Variants in MGLL observed in about 807,000 individuals in gnomAD.
The protein encoded by MGLL is monoglyceride lipase.
MGLL carries 7 observed loss-of-function variants against 29.1 expected under a neutral mutation model. That is an observed-to-expected ratio of 0.24 (90% confidence interval 0.14 to 0.45). The LOEUF (loss-of-function observed/expected upper bound fraction) is 0.45. Ranked by LOEUF, MGLL falls within the 20% of genes least tolerant of loss-of-function variation. MGLL has a pLI of 0.99. For missense variants in MGLL, 356 were observed against 413.6 expected, an observed-to-expected ratio of 0.86 and a Z score of 1.21; for synonymous variants, 148 against 168.3, an observed-to-expected ratio of 0.88 and a Z score of 0.93.
chr3:127,815,373 G>C (rs1229333266), intron 2 of MGLL, among the ~76,000 whole-genome samples: 1 of 152,150 alleles, frequency 6.6e-6, no homozygotes, highest in Non-Finnish European at 1.5e-5. Flanking sequence ...AATAACACCA[G>C]CTCCTTCTGC....
chr3:127,797,852 C>T (rs777221142), intron 2 of MGLL, among the ~76,000 whole-genome samples: 3 of 152,162 alleles, frequency 2.0e-5, no homozygotes, highest in Admixed American at 6.5e-5. Context: ...GTGATTCTCC[C>T]ACCTGGGCTT....
At chr3:127,748,248 C>G (rs1390548692) in intron 3 of MGLL, among the ~76,000 whole-genome samples, 1 of 152,144 alleles carries the variant, frequency 6.6e-6, no homozygotes, top group East Asian at 1.9e-4. Flanking sequence ...AGGCGCCTGA[C>G]ACTCAGAGGA....
chr3:127,732,371 G>A (rs538670286), intron 3 of MGLL, among the ~76,000 whole-genome samples: 5 of 152,142 alleles, frequency 3.3e-5, no homozygotes, highest in Non-Finnish European at 5.9e-5. Flanking sequence ...AAAGGGCAGC[G>A]CTCAGCCCCC....
At chr3:127,706,345 A>C (rs2075601796) in intron 6 of MGLL, among the ~76,000 whole-genome samples, 1 of 152,090 alleles carries the variant, frequency 6.6e-6, no homozygotes, top group Non-Finnish European at 1.5e-5. Flanking sequence ...AGAACTCCTC[A>C]GTGTGTCCTG....
Position 127,817,258 on chromosome 3 carries a change from G to A in MGLL, c.155+4436C>T, listed in dbSNP as rs544875435. Among the ~76,000 whole-genome samples the A allele has an allele frequency of 6.6e-5, 10 of 152,364 alleles. No individual in the cohort carries two copies. In the South Asian group the frequency reaches 2.1e-3, roughly 32 times the overall value. On this transcript the variant is annotated intron_variant, in intron 2 of 7. Transcript: ENST00000265052. The stretch of plus-strand genomic sequence containing the variant: ...AGGAGGCACTTACTGGAGGTGTGAG[G>A]GCAGGGCTCTGGAGGAAGTGGGGAG...
chr3:127,817,113 C>A (rs1559989367), intron 2 of MGLL, among the ~76,000 whole-genome samples: 1 of 152,304 alleles, frequency 6.6e-6, no homozygotes, highest in Non-Finnish European at 1.5e-5. Flanking sequence ...TGACCGAGGT[C>A]TGAGGCAAGA....
At chr3:127,715,499 G>A (rs2075795943) in intron 5 of MGLL, 1 of 354,162 alleles carries the variant, frequency 2.8e-6, no homozygotes, top group Non-Finnish European at 5.6e-6. Flanking sequence ...TGCCATGCAG[G>A]GGCAGGATGT....
intron 3 of MGLL, chr3:127,736,210 AAAG>A: frequency 1.0e-6 from 1 of 1,002,790 alleles, no homozygotes; most frequent in Non-Finnish European, 1.2e-6. Context: ...TTTAAAAAAC[AAAG>A]AAGATTGCAT....
chr3:127,711,481 A>AGAG (rs2107607648), intron 5 of MGLL: 1 of 152,042 alleles, frequency 6.6e-6, no homozygotes, highest in East Asian at 1.9e-4. Context: ...CGGATCTCAC[A>AGAG]CTTCTGCCTT....
At chr3:127,713,299 G>A (rs1308275580) in intron 5 of MGLL, 1 of 152,262 alleles carries the variant, frequency 6.6e-6, no homozygotes, top group Non-Finnish European at 1.5e-5. Context: ...AAGTTCCCTA[G>A]TGATCCTGTG....
chr3:127,781,163 G>A (rs2077117164), intron 3 of MGLL, among the ~76,000 whole-genome samples: 1 of 152,120 alleles, frequency 6.6e-6, no homozygotes, highest in South Asian at 2.1e-4. Context: ...GTGTGTAAAT[G>A]TGTAGGTGCA....
At chr3:127,707,860 A>G (rs1385285053) in intron 6 of MGLL, among the ~76,000 whole-genome samples, 1 of 152,242 alleles carries the variant, frequency 6.6e-6, no homozygotes, top group Admixed American at 6.5e-5. Flanking sequence ...AGAGCCCACT[A>G]GCAGTCCTGG....
chr3:127,815,833 T>A (rs540890631), intron 2 of MGLL, among the ~76,000 whole-genome samples: 2 of 152,340 alleles, frequency 1.3e-5, no homozygotes, highest in African/African-American at 4.8e-5. Context: ...ATATTATAAT[T>A]ATCCGTGTGT....
rs530031742 is a variant in MGLL, at chr3:127,817,964, C to A, written c.155+3730G>T. On this transcript the variant is annotated intron_variant, in intron 2 of 7. Coordinates refer to ENST00000265052, the MANE Select transcript of MGLL (RefSeq NM_007283.7). ...ATTTGCTCATGATCCAGTATCCCCC[C>A]CTTTTTCTTTTTTTGAGATGGAGTC... Among the ~76,000 whole-genome samples the A allele has an allele frequency of 2.0e-5, 3 of 151,858 alleles. No homozygotes were observed. The East Asian group carries it at 5.8e-4, about 29-fold the overall frequency.
Position 127,719,625 on chromosome 3 carries a change from C to T in MGLL, c.510+1428G>A, listed in dbSNP as rs73859590. 4.8e-3 allele frequency among the ~76,000 whole-genome samples: 735 copies of T among 152,294 alleles called. 5 individuals are homozygous for T. The highest frequency in any genetic ancestry group is 0.017 in the African/African-American group (716 of 41,560). ...GCTGCTGAGTCTGGGCCTGCTTATT[C>T]TACTTAGATAATTAGAACCATAGTC... On this transcript the variant is annotated intron_variant, in intron 5 of 7. Transcript: ENST00000265052.
intron 3 of MGLL, among the ~76,000 whole-genome samples, chr3:127,763,915 T>C (rs1157850345): frequency 1.3e-5 from 2 of 152,188 alleles, no homozygotes; most frequent in East Asian, 3.9e-4. Context: ...AGCTGCGTGC[T>C]GGGAAGACAG....
Position 127,710,642 on chromosome 3 carries a change from G to A in MGLL, c.534C>T (p.Asn178=). 6.4e-6 allele frequency: 10 copies of A among 1,573,648 alleles called. No individual in the cohort carries two copies. Among genetic ancestry groups the A allele is most frequent in the Non-Finnish European group, 6.9e-6 (8 of 1,158,616 alleles). ...TFKVLAAKVL[N]LVLPNLSLGP... is the part of the protein sequence containing the mutation. ...CGAGGGACAAGTTTGGCAGCACAAG[G>A]TTGAGCACTTTCGCAGCAAGGACCT... The change falls in exon 6 of 8, where the codon AAC becomes AAT. Residue 178 remains asparagine (N), a synonymous_variant. Coordinates refer to ENST00000265052, the MANE Select transcript of MGLL (RefSeq NM_007283.7).
intron 3 of MGLL, among the ~76,000 whole-genome samples, chr3:127,746,963 C>T (rs1288558455): frequency 6.6e-6 from 1 of 152,180 alleles, no homozygotes; most frequent in African/African-American, 2.4e-5. Flanking sequence ...GACTCCTGAA[C>T]CTGCGCAAAC....
At chr3:127,757,085 C>A (rs1438511616) in intron 3 of MGLL, among the ~76,000 whole-genome samples, 2 of 152,222 alleles carry the variant, frequency 1.3e-5, no homozygotes, top group Admixed American at 1.3e-4. Flanking sequence ...AGTCTGAGTG[C>A]AGACTTTAAA....
Sources: gnomAD v4.1 joint callset for allele counts (sites outside exome capture counted in the v4.1 genomes callset) on GRCh38, gnomAD v4.1.1 for gene constraint, MANE v1.5 for transcripts, NCBI Gene and HGNC (gene_info 2026-07-23, HGNC 2026-07-21) for gene names.